The following RCBTB2 variants were observed in gnomAD, a reference collection of about 807,000 sequenced individuals.
The protein encoded by RCBTB2 is RCC1 and BTB domain-containing protein 2.
A neutral mutation model predicts 65.4 loss-of-function variants in RCBTB2; 55 were observed. The ratio of observed to expected loss-of-function variants is 0.84; its 90% CI spans 0.68 to 1.05. The LOEUF is 1.05. Ranked by LOEUF, RCBTB2 falls within the 50% of genes least tolerant of loss-of-function variation. RCBTB2 has a pLI of 0.00. For synonymous variants in RCBTB2, 220 were observed against 255.2 expected (o/e 0.86, Z 1.31); for missense variants, 599 against 680.1 (o/e 0.88, Z 1.33).
At position 48,512,000 on chromosome 13, in the gene RCBTB2, A is replaced by G. The variant is rs761565410; in HGVS notation, c.675+16T>C. On this transcript the variant is annotated intron_variant, in intron 8 of 14. Transcript: ENST00000344532. ...CAAACACGGTTTTTAAACAAGATGT[A>G]AAATAACTTCCTTACCTCCCCCGTG... is the stretch of plus-strand genomic sequence containing the variant. 4.3e-6 allele frequency: 7 copies of G among 1,611,290 alleles called. No individual in the cohort carries two copies. The highest frequency in any genetic ancestry group is 5.1e-6 in the Non-Finnish European group (6 of 1,177,726).
intron 10 of RCBTB2, among the ~76,000 whole-genome samples, chr13:48,506,930 A>G (rs1484107830): frequency 6.6e-6 from 1 of 152,258 alleles, no homozygotes; most frequent in Non-Finnish European, 1.5e-5. Flanking sequence ...TGATCTGCCC[A>G]ACATCAGAAA....
At chr13:48,514,486 A>G (rs187927997) in intron 6 of RCBTB2, among the ~76,000 whole-genome samples, 5 of 152,374 alleles carry the variant, frequency 3.3e-5, no homozygotes, top group Admixed American at 2.0e-4. Flanking sequence ...AGACTACTGT[A>G]TATCTGGTTA....
intron 5 of RCBTB2, 68 bp downstream of exon 5, chr13:48,515,518 C>A: frequency 6.9e-7 from 1 of 1,449,276 alleles, no homozygotes; most frequent in Non-Finnish European, 9.4e-7. Context: ...TTAGTTCCCC[C>A]AAGATCTTCA....
intron 14 of RCBTB2, among the ~76,000 whole-genome samples, chr13:48,493,289 CCACACACA>C (rs1237098435): frequency 9.8e-5 from 10 of 102,344 alleles, no homozygotes; most frequent in Non-Finnish European, 1.6e-4. Flanking sequence ...CTCTCTCTCT[CCACACACA>C]CACACACACA....
At chr13:48,526,737 G>A (rs1256828466) in intron 1 of RCBTB2, among the ~76,000 whole-genome samples, 4 of 149,770 alleles carry the variant, frequency 2.7e-5, no homozygotes, top group African/African-American at 5.0e-5. Flanking sequence ...CCAACATGGT[G>A]AAACCCCATC....
intron 12 of RCBTB2, among the ~76,000 whole-genome samples, 167 bp from the exon 13 acceptor site, chr13:48,499,927 TG>T (rs535896121): frequency 9.0e-4 from 137 of 152,328 alleles, no homozygotes; most frequent in African/African-American, 3.2e-3. Context: ...TCAGCAAGGC[TG>T]TATATACAAA....
intron 7 of RCBTB2, 132 bp from the exon 8 acceptor site, chr13:48,512,306 G>T: frequency 1.4e-6 from 1 of 712,664 alleles, no homozygotes; most frequent in Non-Finnish European, 2.3e-6. Context: ...CACAACACAG[G>T]CAGAGAAGTG....
At chr13:48,490,342 G>C (rs1949644251) in intron 14 of RCBTB2, 91 bp from the exon 15 acceptor site, 1 of 1,133,070 alleles carries the variant, frequency 8.8e-7, no homozygotes, top group Non-Finnish European at 1.3e-6. Flanking sequence ...GTTAGGCAAA[G>C]AAAAAGGATT....
chr13:48,531,922 G>A (rs957058836), intron 1 of RCBTB2: 2 of 152,208 alleles, frequency 1.3e-5, no homozygotes, highest in African/African-American at 4.8e-5. Context: ...GTAAAACCCA[G>A]CAGGAACGCA....
At chr13:48,517,862 T>C (rs1294932283) in intron 4 of RCBTB2, among the ~76,000 whole-genome samples, 2 of 152,100 alleles carry the variant, frequency 1.3e-5, no homozygotes, top group African/African-American at 4.8e-5. Flanking sequence ...AATAGGGTCT[T>C]TGCAGATGTA....
chr13:48,501,750 G>A lies in RCBTB2; in HGVS notation c.1236C>T (p.Leu412=), dbSNP rs1472846764. ...AATAAATGATTCCTTACCGAATCTT[G>A]AGAAGGACTTTATGTGCATAAATGT... The part of the protein sequence containing the change: ...GKYIYAHKVL[L]KIRCEHFRSS... Residue 412 remains leucine (L), a synonymous_variant, in exon 12 of 15, where the codon CTC becomes CTT. Coordinates refer to ENST00000344532, the MANE Select transcript of RCBTB2 (RefSeq NM_001268.4). The A allele has an allele frequency of 1.2e-6, 2 of 1,610,594 alleles. No homozygotes were observed. The highest frequency in any genetic ancestry group is 1.7e-6 in the Non-Finnish European group (2 of 1,177,608).
intron 10 of RCBTB2, among the ~76,000 whole-genome samples, chr13:48,505,152 G>A (rs1325153493): frequency 2.6e-5 from 4 of 151,698 alleles, no homozygotes; most frequent in Admixed American, 1.3e-4. Flanking sequence ...TAGGCTGCGT[G>A]ACTAGGGGAA....
At chr13:48,502,994 T>G (rs1412599403) in intron 10 of RCBTB2, 80 bp from the exon 11 acceptor site, 1 of 1,380,392 alleles carries the variant, frequency 7.2e-7, no homozygotes, top group Non-Finnish European at 9.6e-7. Flanking sequence ...CAGGTTTAAC[T>G]GATGTGGGAC....
chr13:48,533,237 T>TAGGCTGCCCACCGCCGCCCCTCCCC, upstream of RCBTB2: 1 of 315,648 alleles, frequency 3.2e-6, no homozygotes, highest in South Asian at 2.2e-5. Flanking sequence ...CTCTCCTCCC[T>TAGGCTGCCCACCGCCGCCCCTCCCC]AGGCTGCCCA....
intron 11 of RCBTB2, among the ~76,000 whole-genome samples, chr13:48,502,319 C>T (rs1026330629): frequency 2.4e-4 from 36 of 152,152 alleles, no homozygotes; most frequent in African/African-American, 8.2e-4. Context: ...AGAGAGACCC[C>T]ACCTCCAAAG....
Position 48,502,924 on chromosome 13 carries a change from C to T in RCBTB2, c.927-10G>A. 6.2e-7 allele frequency: 1 copy of T among 1,600,018 alleles called. No individual in the cohort carries two copies. The highest frequency in any genetic ancestry group is 8.5e-7 in the Non-Finnish European group (1 of 1,172,314). ...TGCAATCTCGATAATCCTAAATTCA[C>T]AAACACACACCACATAAGCACAGTG... On this transcript the variant is annotated splice_polypyrimidine_tract_variant and intron_variant, in intron 10 of 14. Coordinates refer to ENST00000344532, the MANE Select transcript of RCBTB2 (RefSeq NM_001268.4).
chr13:48,512,430 AC>A (rs902303006), intron 7 of RCBTB2, among the ~76,000 whole-genome samples: 43 of 152,330 alleles, frequency 2.8e-4, no homozygotes, highest in African/African-American at 1.0e-3. Flanking sequence ...AAAAGTATCT[AC>A]TTTGCCCCAG....
upstream of RCBTB2, among the ~76,000 whole-genome samples, chr13:48,534,256 T>C (rs769784196): frequency 3.3e-5 from 5 of 152,188 alleles, no homozygotes; most frequent in African/African-American, 7.2e-5. Context: ...TTACATCTTA[T>C]CAATGAAAGA....
chr13:48,501,479 G>A (rs534370603), intron 12 of RCBTB2, among the ~76,000 whole-genome samples: 1 of 152,266 alleles, frequency 6.6e-6, no homozygotes, highest in South Asian at 2.1e-4. Flanking sequence ...CACTTGGAGC[G>A]TGCGCTGGCT....
Sources: gnomAD v4.1 joint callset for allele counts (sites outside exome capture counted in the v4.1 genomes callset) on GRCh38, gnomAD v4.1.1 for gene constraint, MANE v1.5 for transcripts, NCBI Gene and HGNC (gene_info 2026-07-23, HGNC 2026-07-21) for gene names.